Variants in NRP1 observed in about 807,000 individuals in gnomAD.
NRP1 encodes the protein neuropilin-1.
In NRP1, 35 loss-of-function variants were observed where a neutral mutation model predicts 106.7. The observed-to-expected ratio is 0.33, with a 90% CI of 0.25 to 0.43. The LOEUF (loss-of-function observed/expected upper bound fraction) is 0.43. NRP1 is among the 20% of genes least tolerant of loss of function. The pLI, the probability that NRP1 is intolerant of heterozygous loss-of-function variation, is 1.00. For missense variants in NRP1, 1,024 were observed against 1,170.4 expected (o/e 0.87, Z 1.83); for synonymous variants, 437 against 417.9 (o/e 1.05, Z -0.56).
chr10:33,213,844 G>A, intron 8 of NRP1, 127 bp from the exon 9 acceptor site: 1 of 771,152 alleles, frequency 1.3e-6, no homozygotes, highest in Non-Finnish European at 2.0e-6. Context: ...TTCAGTCTCT[G>A]GATTATTTTA....
intron 2 of NRP1, among the ~76,000 whole-genome samples, chr10:33,299,065 C>G (rs1228665733): frequency 1.3e-5 from 2 of 152,144 alleles, no homozygotes; most frequent in Non-Finnish European, 2.9e-5. Flanking sequence ...TTTAGCCCCA[C>G]TTGGTCACTG....
At chr10:33,263,141 C>T (rs758776067) in intron 4 of NRP1, among the ~76,000 whole-genome samples, 2 of 152,218 alleles carry the variant, frequency 1.3e-5, no homozygotes, top group Non-Finnish European at 2.9e-5. Context: ...CAAACATTCT[C>T]GTTCCTTTTC....
intron 2 of NRP1, among the ~76,000 whole-genome samples, chr10:33,319,468 C>A (rs1260404233): frequency 1.3e-5 from 2 of 152,058 alleles, no homozygotes; most frequent in Non-Finnish European, 2.9e-5. Context: ...GCCCCCTAAT[C>A]TCTGCTCAGG....
intron 2 of NRP1, among the ~76,000 whole-genome samples, chr10:33,328,367 C>T (rs1848043655): frequency 6.6e-6 from 1 of 152,078 alleles, no homozygotes; most frequent in South Asian, 2.1e-4. Flanking sequence ...GGAAACTGAT[C>T]ATCAGCCTAT....
intron 6 of NRP1, among the ~76,000 whole-genome samples, chr10:33,252,954 A>G (rs1841963913): frequency 6.6e-6 from 1 of 151,900 alleles, no homozygotes; most frequent in African/African-American, 2.4e-5. Flanking sequence ...AAAAGACTGA[A>G]GCAGCAATAG....
intron 15 of NRP1, among the ~76,000 whole-genome samples, chr10:33,183,985 C>A (rs960723551): frequency 6.6e-5 from 10 of 151,972 alleles, no homozygotes; most frequent in African/African-American, 2.4e-4. Flanking sequence ...TATGTGCTTT[C>A]TTTTCTTTTC....
At chr10:33,285,864 A>AAAACAAAC (rs746348710) in intron 2 of NRP1, among the ~76,000 whole-genome samples, 1 of 151,524 alleles carries the variant, frequency 6.6e-6, no homozygotes, top group Non-Finnish European at 1.5e-5. Flanking sequence ...AAAACAAAAC[A>AAAACAAAC]AACAACAACA....
chr10:33,202,965 C>A lies in NRP1; in HGVS notation c.1790G>T (p.Gly597Val). Residue 597 changes from glycine (G) to valine (V), a missense_variant, in exon 11 of 17, where the codon GGG (glycine) becomes GTG (valine). This residue lies in a region of NRP1 where 562 missense variants were observed against 620.3 expected (regional missense o/e 0.91). Coordinates refer to ENST00000374867, the MANE Select transcript of NRP1 (RefSeq NM_003873.7). The part of the protein sequence containing the change: ...APTAGPTTPN[G>V]NLVDECDDDQ... ...GTCATCACATTCATCCACCAAGTTC[C>A]CGTTGGGAGTGGTCGGTCCAGCTGT... is the stretch of plus-strand genomic sequence containing the variant. The A allele has an allele frequency of 6.2e-7, 1 of 1,614,072 alleles. No homozygotes were observed. Among genetic ancestry groups the A allele is most frequent in the Non-Finnish European group, 8.5e-7 (1 of 1,179,982 alleles).
intron 6 of NRP1, among the ~76,000 whole-genome samples, chr10:33,229,557 T>C (rs1839941362): frequency 6.6e-6 from 1 of 152,214 alleles, no homozygotes. Context: ...CAAGAGTGTG[T>C]ATTCAGCTTG....
intron 2 of NRP1, among the ~76,000 whole-genome samples, chr10:33,273,228 T>G (rs1843442448): frequency 6.6e-6 from 1 of 152,124 alleles, no homozygotes; most frequent in Admixed American, 6.5e-5. Context: ...GCTGCTATCG[T>G]TTTAGCACTT....
chr10:33,330,962 A>G (rs1664978828), intron 1 of NRP1, 80 bp from the exon 2 acceptor site: 7 of 1,274,316 alleles, frequency 5.5e-6, no homozygotes, highest in Non-Finnish European at 7.6e-6. Context: ...ATTACTGGTT[A>G]TTAAACATTC....
intron 11 of NRP1, among the ~76,000 whole-genome samples, chr10:33,200,635 A>G (rs933476393): frequency 2.6e-5 from 4 of 152,222 alleles, no homozygotes; most frequent in Non-Finnish European, 5.9e-5. Flanking sequence ...CACACTAAAC[A>G]TCCACGTTTG....
At chr10:33,251,610 AT>A (rs915097932) in intron 6 of NRP1, among the ~76,000 whole-genome samples, 15 of 151,910 alleles carry the variant, frequency 9.9e-5, no homozygotes, top group African/African-American at 1.4e-4. Flanking sequence ...ATGATTTGAG[AT>A]TTTTTTTTCT....
intron 2 of NRP1, among the ~76,000 whole-genome samples, chr10:33,287,719 C>CAGA (rs1297094341): frequency 5.3e-5 from 8 of 152,212 alleles, no homozygotes; most frequent in Admixed American, 2.6e-4. Flanking sequence ...ACCCAGAGGC[C>CAGA]CATAGAGGTG....
chr10:33,275,744 A>AT (rs35978638), intron 2 of NRP1, among the ~76,000 whole-genome samples: 12 of 149,348 alleles, frequency 8.0e-5, no homozygotes, highest in African/African-American at 2.0e-4. Context: ...CTTCTCTACA[A>AT]TTTTTTTTTT....
chr10:33,299,859 C>A (rs1457322116), intron 2 of NRP1, among the ~76,000 whole-genome samples: 1 of 152,184 alleles, frequency 6.6e-6, no homozygotes, highest in Admixed American at 6.5e-5. Flanking sequence ...TGGAGAGATC[C>A]TCGCTGCCTT....
intron 11 of NRP1, among the ~76,000 whole-genome samples, chr10:33,199,602 C>G (rs897203115): frequency 6.6e-6 from 1 of 151,104 alleles, no homozygotes; most frequent in Non-Finnish European, 1.5e-5. Context: ...GTTTGGGAAA[C>G]AGTGGTTTGC....
intron 12 of NRP1, chr10:33,195,379 A>T (rs1836707267): frequency 2.6e-6 from 1 of 384,082 alleles, no homozygotes; most frequent in Non-Finnish European, 5.1e-6. Flanking sequence ...CTGGCAGAGC[A>T]TTAACCAGCT....
At chr10:33,316,105 G>A (rs116200974) in intron 2 of NRP1, among the ~76,000 whole-genome samples, 1,862 of 152,274 alleles carry the variant, frequency 0.012, 39 homozygotes, top group African/African-American at 0.042. Flanking sequence ...GGGAGGAAAC[G>A]GGGAACTCTA....
Sources: gnomAD v4.1 joint callset for allele counts (sites outside exome capture counted in the v4.1 genomes callset) on GRCh38, gnomAD v4.1.1 for gene constraint, gnomAD v4.1.1 regional missense constraint, MANE v1.5 for transcripts, NCBI Gene and HGNC (gene_info 2026-07-23, HGNC 2026-07-21) for gene names.